The following TTLL5 variants were observed in gnomAD, a reference collection of about 807,000 sequenced individuals.
TTLL5 encodes the protein tubulin tyrosine ligase like 5.
Under a neutral mutation model 168.4 loss-of-function variants are expected in TTLL5, and 132 were observed. That is an observed-to-expected ratio of 0.78 (90% CI 0.68 to 0.91). The LOEUF is 0.91. Among genes scored for constraint, TTLL5 ranks in the 40% least tolerant of loss-of-function variants. The probability of loss-of-function intolerance (pLI) is 0.00; values close to 1 mark genes in which losing one functional copy is unlikely to be tolerated. For missense variants in TTLL5, 1,545 were observed against 1,581.5 expected, an observed-to-expected ratio of 0.98 and a Z score of 0.39; for synonymous variants, 546 against 558.6, an observed-to-expected ratio of 0.98 and a Z score of 0.32.
intron 9 of TTLL5, among the ~76,000 whole-genome samples, chr14:75,713,150 C>T (rs1009323739): frequency 5.9e-5 from 9 of 152,308 alleles, no homozygotes; most frequent in African/African-American, 1.7e-4. Flanking sequence ...TAGTCATGTG[C>T]TTTATAACAA....
intron 9 of TTLL5, chr14:75,709,812 T>TGA (rs2140178014): frequency 8.2e-6 from 1 of 121,262 alleles, no homozygotes; most frequent in African/African-American, 3.4e-5. Flanking sequence ...GGCAACATTG[T>TGA]GAGACCCCAT....
rs908004798 is a variant in TTLL5 at position 75,953,801 on chromosome 14, A to G, written c.3824-623A>G. Among the ~76,000 whole-genome samples, 36 of 152,230 alleles carry G rather than the reference A, an allele frequency of 2.4e-4. 1 individual carries two copies. Among genetic ancestry groups the G allele is most frequent in the Admixed American group, 2.4e-3 (36 of 15,280 alleles). On this transcript the variant is annotated intron_variant, in intron 31 of 31. Transcript: ENST00000298832. ...AATGCTGATAATACACTGTGTTTCT[A>G]GAAAAGATGGACATATTTAGCATTT...
chr14:75,767,351 C>A (rs1279387990), intron 20 of TTLL5, among the ~76,000 whole-genome samples: 4 of 152,058 alleles, frequency 2.6e-5, no homozygotes, highest in African/African-American at 7.2e-5. Flanking sequence ...GAAACAAGGT[C>A]ATTTCAGGTC....
intron 30 of TTLL5, among the ~76,000 whole-genome samples, chr14:75,893,929 G>A (rs967416669): frequency 2.0e-5 from 3 of 151,714 alleles, no homozygotes; most frequent in Non-Finnish European, 2.9e-5. Flanking sequence ...TATAGAGATA[G>A]AAGTGAATCC....
At chr14:75,667,537 C>G (rs983580168) in intron 2 of TTLL5, among the ~76,000 whole-genome samples, 4 of 152,174 alleles carry the variant, frequency 2.6e-5, no homozygotes, top group Admixed American at 2.6e-4. Context: ...CCTATCAGCA[C>G]CGTTTCTCAC....
At position 75,678,356 on chromosome 14, in the gene TTLL5, T is replaced by G. The variant is rs1280904447; in HGVS notation, c.182-3189T>G. Among the ~76,000 whole-genome samples, 5 of 152,230 alleles carry G rather than the reference T, an allele frequency of 3.3e-5. No homozygotes were observed. In the East Asian group the frequency reaches 9.6e-4, roughly 29 times the overall value. On this transcript the variant is annotated intron_variant, in intron 3 of 31. Transcript: ENST00000298832. ...GCATGCCCTAATACATTATTCAGCT[T>G]GTGACTCCTGAGAATAAGGGCATAT...
chr14:75,713,408 A>T (rs1368011449), intron 9 of TTLL5, among the ~76,000 whole-genome samples: 1 of 152,214 alleles, frequency 6.6e-6, no homozygotes, highest in African/African-American at 2.4e-5. Flanking sequence ...AGGCTATACC[A>T]TCCAGGTTTG....
intron 28 of TTLL5, among the ~76,000 whole-genome samples, chr14:75,822,732 G>A (rs1894901331): frequency 6.6e-6 from 1 of 152,076 alleles, no homozygotes; most frequent in South Asian, 2.1e-4. Flanking sequence ...TTGTTCTCCC[G>A]CTGTTTTGAC....
chr14:75,841,594 T>C (rs1316056119), intron 28 of TTLL5, among the ~76,000 whole-genome samples: 1 of 152,194 alleles, frequency 6.6e-6, no homozygotes, highest in Non-Finnish European at 1.5e-5. Context: ...TTAGTACATG[T>C]TGTGAAGTTA....
At chr14:75,666,982 G>A (rs752685010) in intron 2 of TTLL5, among the ~76,000 whole-genome samples, 3 of 151,940 alleles carry the variant, frequency 2.0e-5, no homozygotes, top group Non-Finnish European at 4.4e-5. Flanking sequence ...CCAATTTTCA[G>A]TTTCCTAATC....
At chr14:75,715,168 C>T (rs928292793) in intron 9 of TTLL5, among the ~76,000 whole-genome samples, 12 of 151,936 alleles carry the variant, frequency 7.9e-5, no homozygotes, top group South Asian at 2.1e-4. Context: ...ATTCAGATGC[C>T]GTTTTTATAT....
At chr14:75,911,238 G>A (rs1402388317) in intron 31 of TTLL5, among the ~76,000 whole-genome samples, 2 of 151,908 alleles carry the variant, frequency 1.3e-5, no homozygotes, top group African/African-American at 2.4e-5. Flanking sequence ...TCACCATGTT[G>A]GCCCGGCTGG....
At chr14:75,693,750 C>G (rs565328692) in intron 6 of TTLL5, among the ~76,000 whole-genome samples, 1 of 152,138 alleles carries the variant, frequency 6.6e-6, no homozygotes, top group Non-Finnish European at 1.5e-5. Context: ...GCAAAACTTT[C>G]CCCAGAATTG....
At chr14:75,830,068 G>A (rs1895475321) in intron 28 of TTLL5, among the ~76,000 whole-genome samples, 1 of 152,156 alleles carries the variant, frequency 6.6e-6, no homozygotes, top group Non-Finnish European at 1.5e-5. Flanking sequence ...ATAAATTGTT[G>A]GGGATATAGC....
intron 8 of TTLL5, 47 bp downstream of exon 8, chr14:75,707,134 C>A (rs759193271): frequency 1.3e-6 from 2 of 1,486,538 alleles, no homozygotes; most frequent in South Asian, 2.3e-5. Context: ...GATTTTTGCT[C>A]AACTTTTTAA....
intron 7 of TTLL5, among the ~76,000 whole-genome samples, chr14:75,705,167 A>G (rs10130028): frequency 0.012 from 1,777 of 152,346 alleles, 32 homozygotes; most frequent in African/African-American, 0.041. Flanking sequence ...AGGAAATGGT[A>G]TGGATGATGA....
chr14:75,860,231 A>AC (rs760880559), intron 28 of TTLL5, among the ~76,000 whole-genome samples: 3 of 151,854 alleles, frequency 2.0e-5, no homozygotes, highest in Non-Finnish European at 2.9e-5. Flanking sequence ...ATATCCACAG[A>AC]CCCCCACCTC....
chr14:75,928,285 A>ACACCTGAG (rs2034143448), intron 31 of TTLL5, among the ~76,000 whole-genome samples: 1 of 146,532 alleles, frequency 6.8e-6, no homozygotes, highest in Non-Finnish European at 1.5e-5. Flanking sequence ...TTATGTCCTG[A>ACACCTGAG]CACCTGAGTT....
At position 75,819,680 on chromosome 14, in the gene TTLL5, C is replaced by T. The variant is rs541665573; in HGVS notation, c.3172-327C>T. The stretch of plus-strand genomic sequence containing the variant: ...GGTAACAAGGGCAGAAAGACTAGTT[C>T]GCCTCGTTTCTTTGAACATTGTCTA... On this transcript the variant is annotated intron_variant, in intron 27 of 31. Coordinates refer to ENST00000298832, the MANE Select transcript of TTLL5 (RefSeq NM_015072.5). Among the ~76,000 whole-genome samples, 10 of 152,154 alleles carry T rather than the reference C, an allele frequency of 6.6e-5. No homozygotes were observed. The South Asian group carries it at 8.3e-4, about 13-fold the overall frequency.
Sources: gnomAD v4.1 joint callset for allele counts (sites outside exome capture counted in the v4.1 genomes callset) on GRCh38, gnomAD v4.1.1 for gene constraint, MANE v1.5 for transcripts, NCBI Gene and HGNC (gene_info 2026-07-23, HGNC 2026-07-21) for gene names.